Variants in GM2A observed in about 807,000 individuals in gnomAD.
GM2A encodes ganglioside GM2 activator, also known as GM2 ganglioside activator.
GM2A carries 7 observed loss-of-function variants against 12.9 expected under a neutral mutation model. That is an observed-to-expected ratio of 0.54 (90% CI 0.31 to 1.02). GM2A has a LOEUF of 1.02. Ranked by LOEUF, GM2A falls within the 50% of genes least tolerant of loss-of-function variation. The pLI is 0.05. For missense variants in GM2A, 246 were observed against 241.0 expected, an observed-to-expected ratio of 1.02 and a Z score of -0.14; for synonymous variants, 101 against 96.0, an observed-to-expected ratio of 1.05 and a Z score of -0.30.
intron 1 of GM2A, among the ~76,000 whole-genome samples, chr5:151,257,960 A>C (rs1753722766): frequency 6.6e-6 from 1 of 152,230 alleles, no homozygotes; most frequent in African/African-American, 2.4e-5. Context: ...TATTTGCATT[A>C]GACGGTAAGC....
In GM2A at chr5:151,268,870, C is replaced by T; in HGVS notation, c.*1419C>T. 1.0e-6 allele frequency: 1 copy of T among 985,452 alleles called. No homozygotes were observed. Among genetic ancestry groups the T allele is most frequent in the South Asian group, 4.7e-5 (1 of 21,282 alleles). 61.0% of individuals were successfully genotyped at this position (985,452 alleles called of 1,614,324 possible). On this transcript the variant is annotated 3_prime_UTR_variant, in exon 4 of 4. Transcript: ENST00000357164. The stretch of plus-strand genomic sequence containing the variant: ...TGATCTCAGACCGTGCATGCCTTGT[C>T]CTCTTAAGACAACTCCTGTGGCACC...
chr5:151,263,398 T>A (rs1208005285), intron 2 of GM2A, among the ~76,000 whole-genome samples: 1 of 151,410 alleles, frequency 6.6e-6, no homozygotes, highest in African/African-American at 2.4e-5. Context: ...TATATATATA[T>A]TTATTTATTT....
chr5:151,260,353 C>T (rs996857476), intron 2 of GM2A, among the ~76,000 whole-genome samples: 2 of 152,184 alleles, frequency 1.3e-5, no homozygotes, highest in South Asian at 2.1e-4. Flanking sequence ...TGTGGTGGCT[C>T]ATGCCTGTAA....
At position 151,253,227 on chromosome 5, in the gene GM2A, T is replaced by C. The variant is rs762676667; in HGVS notation, c.11T>C (p.Leu4Pro). 47 of 1,613,802 alleles carry C rather than the reference T, an allele frequency of 2.9e-5. No homozygotes were observed. Among genetic ancestry groups the C allele is most frequent in the African/African-American group, 1.1e-4 (8 of 74,934 alleles). Residue 4 changes from leucine (L) to proline (P), a missense_variant, in exon 1 of 4, where the codon CTG (leucine) becomes CCG (proline). Coordinates refer to ENST00000357164, the MANE Select transcript of GM2A (RefSeq NM_000405.5). Reference protein sequence around the residue: MQSLMQAPLLIALG... With the variant: MQSPMQAPLLIALG... ...GACCCACCCTTCCCGATGCAGTCCC[T>C]GATGCAGGCTCCCCTCCTGATCGCC...
In GM2A at chr5:151,259,803, G is replaced by T; in HGVS notation, c.130G>T (p.Asp44Tyr). 1 of 1,613,800 alleles carries T rather than the reference G, an allele frequency of 6.2e-7. No individual in the cohort carries two copies. The highest frequency in any genetic ancestry group is 1.1e-5 in the South Asian group (1 of 91,074). The change falls in exon 2 of 4, where the codon GAC becomes TAC. Residue 44 changes from aspartate (D) to tyrosine (Y), a missense_variant. Asp to Tyr is a radical substitution (Grantham distance 160). Transcript: ENST00000357164. ...CTGGGATAACTGTGATGAAGGGAAGGACCCTGCGGTGATCAGAAGCCTGAC... is the reference window on the plus strand; with the variant it reads ...CTGGGATAACTGTGATGAAGGGAAGTACCCTGCGGTGATCAGAAGCCTGAC... ...FSWDNCDEGK[D>Y]PAVIRSLTLE...
intron 2 of GM2A, among the ~76,000 whole-genome samples, chr5:151,266,297 A>G (rs1753883423): frequency 6.6e-6 from 1 of 152,050 alleles, no homozygotes; most frequent in Admixed American, 6.6e-5. Context: ...TGGGCAACAA[A>G]GTGAGACCCC....
intron 3 of GM2A, 77 bp from the exon 4 acceptor site, chr5:151,267,219 A>G: frequency 1.3e-6 from 2 of 1,590,242 alleles, no homozygotes; most frequent in Non-Finnish European, 1.7e-6. Context: ...TCATGGCTGC[A>G]ATCCTAGCAG....
chr5:151,265,853 A>G (rs1753875848), intron 2 of GM2A, among the ~76,000 whole-genome samples: 1 of 152,210 alleles, frequency 6.6e-6, no homozygotes, highest in African/African-American at 2.4e-5. Flanking sequence ...GTACTCCTTG[A>G]GGCAGCTCCA....
In GM2A at chr5:151,253,255, G is replaced by A. The variant is rs374161170; in HGVS notation, c.39G>A (p.Leu13=). 4 of 1,613,916 alleles carry A rather than the reference G, an allele frequency of 2.5e-6. No homozygotes were observed. In the Admixed American group the frequency reaches 5.0e-5, roughly 20 times the overall value. The change falls in exon 1 of 4, where the codon CTG becomes CTA. Residue 13 remains leucine, a synonymous_variant. Transcript: ENST00000357164. ...TGCAGGCTCCCCTCCTGATCGCCCT[G>A]GGCTTGCTTCTCGCGGCCCCTGCGC... The part of the protein sequence containing the change: ...SLMQAPLLIA[L]GLLLAAPAQA...
At chr5:151,262,230 G>A (rs1022388708) in intron 2 of GM2A, among the ~76,000 whole-genome samples, 2 of 152,100 alleles carry the variant, frequency 1.3e-5, no homozygotes, top group South Asian at 4.2e-4. Context: ...TTCCTCTCTA[G>A]CTAAAATTGC....
intron 1 of GM2A, 128 bp from the exon 2 acceptor site, chr5:151,259,627 G>A (rs1753755760): frequency 1.3e-6 from 1 of 761,692 alleles, no homozygotes; most frequent in Non-Finnish European, 2.3e-6. Context: ...TCTCATAGAT[G>A]AGGCTCAGGG....
In GM2A at chr5:151,270,145, C is replaced by G; in HGVS notation, c.*2694C>G. 1 of 1,224,406 alleles carries G rather than the reference C, an allele frequency of 8.2e-7. No individual in the cohort carries two copies. The highest frequency in any genetic ancestry group is 1.0e-6 in the Non-Finnish European group (1 of 982,620). 75.8% of individuals were successfully genotyped at this position (1,224,406 alleles called of 1,614,324 possible). A position where few individuals can be genotyped will look rare whatever the true frequency, so the allele number is the denominator to read the frequency against. Reference sequence around the variant, plus strand: ...AGGAGTTAAAGGTGGCATCTTCAATCGCAGGTCAAAGCAGACTTTAATAAA... The same window carrying G: ...AGGAGTTAAAGGTGGCATCTTCAATGGCAGGTCAAAGCAGACTTTAATAAA... On this transcript the variant is annotated 3_prime_UTR_variant, in exon 4 of 4. Transcript: ENST00000357164.
chr5:151,263,124 A>C (rs1582072470), intron 2 of GM2A, among the ~76,000 whole-genome samples: 2 of 110,012 alleles, frequency 1.8e-5, no homozygotes, highest in African/African-American at 3.7e-5. Context: ...ATGGAGTTTC[A>C]CTCTGTTGCC....
rs1753976374 is a variant in GM2A at position 151,269,965 on chromosome 5, C to T, written c.*2514C>T. ...ACACCTCACCTGGCAATGACCTCCACAGCCGTTTCCCTCTGTTGGATCTTC... is the reference window on the plus strand; with the variant it reads ...ACACCTCACCTGGCAATGACCTCCATAGCCGTTTCCCTCTGTTGGATCTTC... On this transcript the variant is annotated 3_prime_UTR_variant, in exon 4 of 4. Coordinates refer to ENST00000357164, the MANE Select transcript of GM2A (RefSeq NM_000405.5). 8.2e-7 allele frequency: 1 copy of T among 1,216,022 alleles called. No homozygotes were observed. Among genetic ancestry groups the T allele is most frequent in the Non-Finnish European group, 1.0e-6 (1 of 978,552 alleles). The allele number at this position is 1,216,022 out of a possible 1,614,324, so 75.3% of individuals were successfully genotyped here. A position where few individuals can be genotyped will look rare whatever the true frequency, so the allele number is the denominator to read the frequency against.
At chr5:151,256,167 C>T (rs1305169813) in intron 1 of GM2A, among the ~76,000 whole-genome samples, 1 of 152,062 alleles carries the variant, frequency 6.6e-6, no homozygotes, top group East Asian at 1.9e-4. Flanking sequence ...TATCTAGCCC[C>T]ATGCTAGTCA....
chr5:151,257,588 G>A (rs1486197426), intron 1 of GM2A, among the ~76,000 whole-genome samples: 1 of 152,150 alleles, frequency 6.6e-6, no homozygotes, highest in Non-Finnish European at 1.5e-5. Context: ...ACAAATCACA[G>A]TGTAGTACTG....
chr5:151,257,405 A>G (rs1014732266), intron 1 of GM2A, among the ~76,000 whole-genome samples: 3 of 152,026 alleles, frequency 2.0e-5, no homozygotes, highest in Non-Finnish European at 4.4e-5. Flanking sequence ...GGTACTCTGG[A>G]TACCCTACCC....
Position 151,270,205 on chromosome 5 carries a change from A to G in GM2A, c.*2754A>G. On this transcript the variant is annotated 3_prime_UTR_variant, in exon 4 of 4. Coordinates refer to ENST00000357164, the MANE Select transcript of GM2A (RefSeq NM_000405.5). ...GCCAACTGGAAAGCCCCTTGGAGAA[A>G]GTTGAAGTTAGACCTGTACTTCACA... 18 of 810,944 alleles carry G rather than the reference A, an allele frequency of 2.2e-5. No individual in the cohort carries two copies. The highest frequency in any genetic ancestry group is 3.0e-5 in the Non-Finnish European group (18 of 603,360). The allele number at this position is 810,944 out of a possible 1,614,324, so 50.2% of individuals were successfully genotyped here. A position where few individuals can be genotyped will look rare whatever the true frequency, so the allele number is the denominator to read the frequency against.
intron 3 of GM2A, 21 bp downstream of exon 3, chr5:151,266,934 G>C (rs1325107959): frequency 1.9e-6 from 3 of 1,587,550 alleles, no homozygotes; most frequent in Non-Finnish European, 2.6e-6. Flanking sequence ...AGGGAGGAGA[G>C]AGCGTTACCC....
Sources: allele counts gnomAD v4.1 joint callset (sites outside exome capture counted in the v4.1 genomes callset), GRCh38; gene constraint gnomAD v4.1.1; transcripts MANE v1.5; gene names NCBI Gene and HGNC (gene_info 2026-07-23, HGNC 2026-07-21).